PSG3: variants seen among roughly 807,000 people sequenced by gnomAD.
PSG3 encodes the protein pregnancy specific beta-1-glycoprotein 3.
In PSG3, 61 loss-of-function variants were observed where a neutral mutation model predicts 47.5. That is an observed-to-expected ratio of 1.28 (90% CI 1.05 to 1.59). PSG3 has a LOEUF of 1.59. Ranked by LOEUF, PSG3 falls within the 40% of genes most tolerant of loss-of-function variation. PSG3 has a pLI of 0.00. For missense variants in PSG3, 756 were observed against 524.0 expected (o/e 1.44, Z -4.32); for synonymous variants, 263 against 198.4 (o/e 1.33, Z -2.74).
Position 42,722,353 on chromosome 19 carries a change from C to T in PSG3, c.*41-263G>A, listed in dbSNP as rs140727640. On this transcript the variant is annotated intron_variant, in intron 6 of 6. Transcript: ENST00000327495. ...GCAAGCTCCGCCTCCCGGGTTCCTG[C>T]CATTCTCCTGCCTCAGCCTCCTGAG... Among the ~76,000 whole-genome samples the T allele has an allele frequency of 3.3e-3, 509 of 152,258 alleles. 3 individuals are homozygous for T. The highest frequency in any genetic ancestry group is 0.012 in the African/African-American group (478 of 41,550).
At chr19:42,740,215 G>A (rs529560156) in intron 1 of PSG3, 106 bp downstream of exon 1, 10 of 1,603,742 alleles carry the variant, frequency 6.2e-6, no homozygotes, top group South Asian at 3.3e-5. Context: ...GCCTCCCTAA[G>A]TGCTGGCTTC....
chr19:42,736,612 TTGTGTG>T (rs61479007), intron 2 of PSG3, among the ~76,000 whole-genome samples: 25,762 of 138,438 alleles, frequency 0.19, 2,657 homozygotes, highest in Middle Eastern at 0.24. Flanking sequence ...TTCAATACAT[TTGTGTG>T]TGTGTGTGTG....
At position 42,729,952 on chromosome 19, in the gene PSG3, T is replaced by G. The variant is rs759525932; in HGVS notation, c.814A>C (p.Ile272Leu). Residue 272 changes from isoleucine to leucine, a missense_variant, in exon 4 of 7, where the codon ATT (isoleucine) becomes CTT (leucine). Ile to Leu is a conservative substitution (Grantham distance 5). Coordinates refer to ENST00000327495, the MANE Select transcript of PSG3 (RefSeq NM_021016.4). ...CEPKSENYTYIWWLNGQSLPV... is the reference protein window; with the variant it reads ...CEPKSENYTYLWWLNGQSLPV... ...AGGCTCTGACCATTTAGCCACCAAATGTAGGTGTAGTTCTCACTCTTAGGT... is the reference window on the plus strand; with the variant it reads ...AGGCTCTGACCATTTAGCCACCAAAGGTAGGTGTAGTTCTCACTCTTAGGT... 3.1e-6 allele frequency: 5 copies of G among 1,612,148 alleles called. No individual in the cohort carries two copies. In the East Asian group the frequency reaches 8.9e-5, roughly 29 times the overall value.
At chr19:42,726,398 A>G (rs1342686643) in intron 5 of PSG3, among the ~76,000 whole-genome samples, 5 of 152,234 alleles carry the variant, frequency 3.3e-5, no homozygotes, top group Non-Finnish European at 7.3e-5. Flanking sequence ...AATCCTAAAG[A>G]TGGAACAAAC....
intron 2 of PSG3, among the ~76,000 whole-genome samples, chr19:42,736,369 T>A (rs1038323306): frequency 1.3e-5 from 2 of 152,162 alleles, no homozygotes; most frequent in African/African-American, 4.8e-5. Context: ...CAGCCCGTCA[T>A]GTGGTCCCTA....
chr19:42,736,612 T>TTGTGTGTGTGTG lies in PSG3; in HGVS notation c.430+2100_430+2111dup, dbSNP rs61479007. Among the ~76,000 whole-genome samples, 776 of 138,724 alleles carry TTGTGTGTGTGTG rather than the reference T, an allele frequency of 5.6e-3. 16 individuals are homozygous for TTGTGTGTGTGTG. The highest frequency in any genetic ancestry group is 0.02 in the African/African-American group (719 of 35,520). 91.0% of individuals were successfully genotyped at this position (138,724 alleles called of 152,430 possible). ...ACTACAAACCACCATTTCAATACAT[T>TTGTGTGTGTGTG]TGTGTGTGTGTGTGTGTGTGTGTGT... is the stretch of plus-strand genomic sequence containing the variant. On this transcript the variant is annotated intron_variant, in intron 2 of 6. Transcript: ENST00000327495.
intron 3 of PSG3, among the ~76,000 whole-genome samples, chr19:42,731,163 G>T (rs565108246): frequency 1.3e-5 from 2 of 152,302 alleles, no homozygotes; most frequent in African/African-American, 4.8e-5. Context: ...AGGTGGGGAG[G>T]TTCTAGAGAT....
intron 5 of PSG3, 41 bp downstream of exon 5, chr19:42,729,082 C>G: frequency 6.2e-7 from 1 of 1,613,550 alleles, no homozygotes; most frequent in Admixed American, 1.7e-5. Context: ...AGAGAGACTC[C>G]ACCTAAAACT....
intron 5 of PSG3, among the ~76,000 whole-genome samples, chr19:42,725,039 G>C (rs1459787549): frequency 6.6e-6 from 1 of 152,146 alleles, no homozygotes; most frequent in Non-Finnish European, 1.5e-5. Flanking sequence ...TTAGAGTGGT[G>C]TAAAACTTTC....
intron 6 of PSG3, among the ~76,000 whole-genome samples, chr19:42,723,152 A>G (rs750976462): frequency 6.6e-6 from 1 of 152,166 alleles, no homozygotes; most frequent in Non-Finnish European, 1.5e-5. Context: ...AAACACATGA[A>G]CTGGTCATCA....
At chr19:42,730,420 T>C (rs1255781365) in intron 3 of PSG3, among the ~76,000 whole-genome samples, 1 of 152,216 alleles carries the variant, frequency 6.6e-6, no homozygotes, top group African/African-American at 2.4e-5. Flanking sequence ...GGTGGGCCCC[T>C]TCCAAATTCC....
rs766426061 is a variant in PSG3 at position 42,738,726 on chromosome 19, T to C, written c.428A>G (p.Tyr143Cys). ...AGTGATCACGTGGAGTCACTCACGG[T>C]ATAAGGTGAAGGTGAAATGTCCAGT... ...GETGHFTFTLYLETPKPSISS... is the reference protein window; with the variant it reads ...GETGHFTFTLCLETPKPSISS... Residue 143 changes from tyrosine to cysteine, a missense_variant and splice_region_variant, in exon 2 of 7, where the codon TAC becomes TGC. Transcript: ENST00000327495. The C allele has an allele frequency of 1.2e-6, 2 of 1,613,580 alleles. No homozygotes were observed. Among genetic ancestry groups the C allele is most frequent in the Non-Finnish European group, 1.7e-6 (2 of 1,179,762 alleles).
chr19:42,729,466 G>A (rs1342224617), intron 4 of PSG3, 89 bp from the exon 5 acceptor site: 46 of 1,534,458 alleles, frequency 3.0e-5, no homozygotes, highest in African/African-American at 1.5e-4. Flanking sequence ...GACCCTCTGA[G>A]CCAAGACACA....
intron 5 of PSG3, among the ~76,000 whole-genome samples, chr19:42,725,890 C>CAAAAAAAAA (rs200684147): frequency 0.01 from 703 of 67,878 alleles, 14 homozygotes; most frequent in African/African-American, 0.017. Context: ...CAACAACAAC[C>CAAAAAAAAA]AAAAAAAAAA....
At chr19:42,731,654 T>C (rs2122178964) in intron 3 of PSG3, among the ~76,000 whole-genome samples, 1 of 151,920 alleles carries the variant, frequency 6.6e-6, no homozygotes, top group Middle Eastern at 3.4e-3. Context: ...TTTCTAATTC[T>C]GCAAAAAATG....
intron 2 of PSG3, among the ~76,000 whole-genome samples, chr19:42,734,859 A>T (rs886071199): frequency 1.3e-5 from 2 of 152,196 alleles, no homozygotes; most frequent in Non-Finnish European, 2.9e-5. Flanking sequence ...AGTTAGGAAA[A>T]ATGGGGAGGA....
At chr19:42,739,217 C>T in intron 1 of PSG3, 128 bp from the exon 2 acceptor site, 1 of 1,044,730 alleles carries the variant, frequency 9.6e-7, no homozygotes, top group Non-Finnish European at 1.3e-6. Flanking sequence ...CACATACAAA[C>T]ACACACACAC....
rs899003575 is a variant in PSG3, at chr19:42,731,013, A to C, written c.710-957T>G. Among the ~76,000 whole-genome samples, 6 of 152,248 alleles carry C rather than the reference A, an allele frequency of 3.9e-5. No individual in the cohort carries two copies. The South Asian group carries it at 8.3e-4, about 21-fold the overall frequency. ...TTTCTTTCATTGGACATTCTACTCA[A>C]TGATTCCATGGGTTCGACTACTCTA... is the stretch of plus-strand genomic sequence containing the variant. On this transcript the variant is annotated intron_variant, in intron 3 of 6. Coordinates refer to ENST00000327495, the MANE Select transcript of PSG3 (RefSeq NM_021016.4).
chr19:42,738,801 C>A lies in PSG3; in HGVS notation c.353G>T (p.Gly118Val), dbSNP rs1278873795. 1.9e-6 allele frequency: 3 copies of A among 1,613,998 alleles called. No homozygotes were observed. Among genetic ancestry groups the A allele is most frequent in the African/African-American group, 2.7e-5 (2 of 74,906 alleles). ...CTTTACGATGTGTAAGGTGTAGGAT[C>A]CTGCGTCCTCCCGGGTGACATTCTG... ...LIQNVTREDAGSYTLHIVKRG... is the reference protein window; with the variant it reads ...LIQNVTREDAVSYTLHIVKRG... Residue 118 changes from glycine (G) to valine (V), a missense_variant, in exon 2 of 7, where the codon GGA becomes GTA. Physicochemically the swap from Gly to Val is moderately radical, Grantham distance 109 (BLOSUM62 -3). Coordinates refer to ENST00000327495, the MANE Select transcript of PSG3 (RefSeq NM_021016.4).
Sources: allele counts gnomAD v4.1 joint callset (sites outside exome capture counted in the v4.1 genomes callset), GRCh38; gene constraint gnomAD v4.1.1; transcripts MANE v1.5; gene names NCBI Gene and HGNC (gene_info 2026-07-23, HGNC 2026-07-21).